Variants in CAGE1 observed in about 807,000 individuals in gnomAD.
The protein encoded by CAGE1 is cancer-associated gene 1 protein.
In CAGE1, 66 loss-of-function variants were observed where a neutral mutation model predicts 94.9. The observed-to-expected ratio is 0.70, with a 90% confidence interval of 0.57 to 0.85. The LOEUF (loss-of-function observed/expected upper bound fraction) is 0.85, where lower values mean the gene tolerates loss of function less well. Among genes scored for constraint, CAGE1 ranks in the 40% least tolerant of loss-of-function variants. CAGE1 has a pLI of 0.00. For synonymous variants in CAGE1, 319 were observed against 321.0 expected, an observed-to-expected ratio of 0.99 and a Z score of 0.07; for missense variants, 865 against 950.4, an observed-to-expected ratio of 0.91 and a Z score of 1.18.
chr6:7,347,450 G>A lies in CAGE1; in HGVS notation c.2369+7591C>T, dbSNP rs1012257010. The A allele has an allele frequency of 5.2e-4, 74 of 141,882 alleles. 1 individual carries two copies. The highest frequency in any genetic ancestry group is 1.7e-3 in the African/African-American group (68 of 39,158). 8.8% of individuals were successfully genotyped at this position (141,882 alleles called of 1,614,324 possible). A position where few individuals can be genotyped will look rare whatever the true frequency, so the allele number is the denominator to read the frequency against. On this transcript the variant is annotated intron_variant, in intron 11 of 13. Transcript: ENST00000502583. ...GCGGGAAAGGCCCTGGGAGCTCGCT[G>A]GGTCCCCAAGCAGGCCCTTCCTGCC...
intron 7 of CAGE1, among the ~76,000 whole-genome samples, chr6:7,368,254 A>C (rs1470618845): frequency 1.7e-5 from 1 of 59,236 alleles, no homozygotes; most frequent in African/African-American, 6.4e-5. Context: ...CTCTGTCTCA[A>C]AAAAAAAAAA....
Position 7,378,828 on chromosome 6 carries a change from T to G in CAGE1, c.476A>C (p.Asp159Ala). The G allele has an allele frequency of 6.2e-7, 1 of 1,613,272 alleles. No individual in the cohort carries two copies. Among genetic ancestry groups the G allele is most frequent in the Non-Finnish European group, 8.5e-7 (1 of 1,179,540 alleles). Residue 159 changes from aspartate to alanine, a missense_variant, in exon 4 of 14, where the codon GAC becomes GCC. Transcript: ENST00000502583. ...NYAKDNNIKQ[D>A]SFKEENPMET... ...CATTGGATTTTCTTCCTTAAATGAGTCTTGCTTTATATTGTTGTCTTTTGC... is the reference window on the plus strand; with the variant it reads ...CATTGGATTTTCTTCCTTAAATGAGGCTTGCTTTATATTGTTGTCTTTTGC...
At chr6:7,380,332 C>G in intron 3 of CAGE1, among the ~76,000 whole-genome samples, 1 of 152,194 alleles carries the variant, frequency 6.6e-6, no homozygotes, top group East Asian at 1.9e-4. Context: ...TAGCATCTCA[C>G]TCTATCTATA....
intron 9 of CAGE1, among the ~76,000 whole-genome samples, chr6:7,357,772 TTTG>T (rs1760008743): frequency 6.6e-6 from 1 of 151,600 alleles, no homozygotes; most frequent in Admixed American, 6.6e-5. Context: ...TTGGTAAATT[TTTG>T]TTGTTGTTGT....
At chr6:7,376,402 A>G (rs1760744987) in intron 4 of CAGE1, among the ~76,000 whole-genome samples, 1 of 142,028 alleles carries the variant, frequency 7.0e-6, no homozygotes, top group Admixed American at 7.0e-5. Context: ...ATAAATAAAT[A>G]AATAAATAAA....
chr6:7,351,266 G>GT (rs1759756107), intron 11 of CAGE1, among the ~76,000 whole-genome samples: 1 of 151,982 alleles, frequency 6.6e-6, no homozygotes, highest in African/African-American at 2.4e-5. Flanking sequence ...TAGATACCCT[G>GT]AACAGACCAA....
At chr6:7,341,037 CT>C in intron 11 of CAGE1, 2 of 470,984 alleles carry the variant, frequency 4.2e-6, no homozygotes, top group Non-Finnish European at 4.2e-6. Flanking sequence ...GATCCAGGTA[CT>C]TTTTCAAGTT....
At chr6:7,381,968 T>A (rs897729093) in intron 3 of CAGE1, among the ~76,000 whole-genome samples, 1 of 151,972 alleles carries the variant, frequency 6.6e-6, no homozygotes, top group Non-Finnish European at 1.5e-5. Flanking sequence ...GCCTCCCAAG[T>A]AGCTGGGACT....
chr6:7,365,988 A>G (rs1261619669), intron 7 of CAGE1, 104 bp from the exon 8 acceptor site: 12 of 672,592 alleles, frequency 1.8e-5, no homozygotes, highest in African/African-American at 7.3e-5. Flanking sequence ...GCTCATGCCT[A>G]TAATCCCAGC....
intron 11 of CAGE1, among the ~76,000 whole-genome samples, chr6:7,352,241 G>A (rs1220413741): frequency 2.2e-5 from 3 of 135,216 alleles, no homozygotes; most frequent in South Asian, 2.3e-4. Flanking sequence ...TACCAACAGC[G>A]ACCAAGTGGA....
In CAGE1 at chr6:7,373,280, G is replaced by A. The variant is rs199997276; in HGVS notation, c.1539C>T (p.Leu513=). The change falls in exon 5 of 14, where the codon CTC becomes CTT. Residue 513 remains leucine, a synonymous_variant. Coordinates refer to ENST00000502583, the MANE Select transcript of CAGE1 (RefSeq NM_001170692.2). ...TAAATTGCAAATTTCTAACTTGAGT[G>A]AGCAATTTCTCAAGTCTAGATTTCA... is the stretch of plus-strand genomic sequence containing the variant. The part of the protein sequence containing the change: ...QKLKSRLEKL[L]TQVRNLQFMS... The A allele has an allele frequency of 1.3e-5, 21 of 1,602,862 alleles. No individual in the cohort carries two copies. Among genetic ancestry groups the A allele is most frequent in the Non-Finnish European group, 1.6e-5 (19 of 1,173,800 alleles).
Position 7,389,725 on chromosome 6 carries a change from C to A in CAGE1, c.-547G>T, listed in dbSNP as rs111484511. On this transcript the variant is annotated 5_prime_UTR_variant, in exon 1 of 14. Coordinates refer to ENST00000502583, the MANE Select transcript of CAGE1 (RefSeq NM_001170692.2). ...AGAACATCCACAGCCCTATACAGCG[C>A]GCCATCCAGAGAGCTCCGGACTCCC... 3.6e-6 allele frequency: 2 copies of A among 554,622 alleles called. No individual in the cohort carries two copies. The highest frequency in any genetic ancestry group is 3.2e-5 in the Admixed American group (1 of 31,558). The allele number at this position is 554,622 out of a possible 1,614,324, so 34.4% of individuals were successfully genotyped here. A position where few individuals can be genotyped will look rare whatever the true frequency, so the allele number is the denominator to read the frequency against.
At chr6:7,344,320 C>T (rs1220813421) in intron 11 of CAGE1, among the ~76,000 whole-genome samples, 1 of 152,238 alleles carries the variant, frequency 6.6e-6, no homozygotes, top group Non-Finnish European at 1.5e-5. Flanking sequence ...GAGCAGCCAG[C>T]CGGCCCTGCC....
rs1761264705 is a variant in CAGE1 at position 7,389,575 on chromosome 6, G to A, written c.-397C>T. 3.0e-6 allele frequency: 1 copy of A among 336,186 alleles called. No individual in the cohort carries two copies. The highest frequency in any genetic ancestry group is 2.4e-5 in the South Asian group (1 of 42,240). 20.8% of individuals were successfully genotyped at this position (336,186 alleles called of 1,614,324 possible). A position where few individuals can be genotyped will look rare whatever the true frequency, so the allele number is the denominator to read the frequency against. On this transcript the variant is annotated 5_prime_UTR_variant, in exon 1 of 14. Transcript: ENST00000502583. ...TACGACCCCCTAGGCCGAACAGCCT[G>A]TGGGCTAGCTGGCGCCTCCTGCCGC...
chr6:7,344,825 A>T (rs1286735986), intron 11 of CAGE1, among the ~76,000 whole-genome samples: 1 of 152,190 alleles, frequency 6.6e-6, no homozygotes, highest in Non-Finnish European at 1.5e-5. Context: ...GCACCAATCA[A>T]CACTCTGTAT....
At chr6:7,385,736 CA>C (rs763257429) in intron 3 of CAGE1, 48 bp downstream of exon 3, 361 of 1,178,274 alleles carry the variant, frequency 3.1e-4, no homozygotes, top group Non-Finnish European at 3.4e-4. Flanking sequence ...TCACGGAACA[CA>C]AAAAAAAGTT....
At chr6:7,337,548 G>A (rs1471339529) in intron 11 of CAGE1, among the ~76,000 whole-genome samples, 2 of 152,026 alleles carry the variant, frequency 1.3e-5, no homozygotes, top group African/African-American at 2.4e-5. Flanking sequence ...GTATGTGGTG[G>A]AGTGTATAAA....
intron 4 of CAGE1, 42 bp downstream of exon 4, chr6:7,378,573 TTC>T: frequency 6.7e-7 from 1 of 1,498,060 alleles, no homozygotes; most frequent in South Asian, 1.4e-5. Context: ...GTTAGAACTA[TTC>T]TCTTTATCAA....
chr6:7,343,198 A>AAAAAAAAGAAAAGAAAAGAAAAG (rs574460085), intron 11 of CAGE1, among the ~76,000 whole-genome samples: 1 of 137,320 alleles, frequency 7.3e-6, no homozygotes, highest in Non-Finnish European at 1.5e-5. Flanking sequence ...CACAAAAAAA[A>AAAAAAAAGAAAAGAAAAGAAAAG]AAAAGAAAAG....
Sources: gnomAD v4.1 joint callset for allele counts (sites outside exome capture counted in the v4.1 genomes callset) on GRCh38, gnomAD v4.1.1 for gene constraint, MANE v1.5 for transcripts, NCBI Gene and HGNC (gene_info 2026-07-23, HGNC 2026-07-21) for gene names.